GFRA2: variants seen among roughly 807,000 people sequenced by gnomAD.
GFRA2 encodes the protein GDNF family receptor alpha 2.
Under a neutral mutation model 48.3 loss-of-function variants are expected in GFRA2, and 17 were observed. The ratio of observed to expected loss-of-function variants is 0.35; its 90% CI spans 0.24 to 0.53. The LOEUF is 0.53. Among genes scored for constraint, GFRA2 ranks in the 20% least tolerant of loss-of-function variants. The pLI is 0.93. For missense variants in GFRA2, 660 were observed against 637.3 expected (o/e 1.04, Z -0.38); for synonymous variants, 305 against 257.2 (o/e 1.19, Z -1.78).
rs1802740066 is a variant in GFRA2 at position 21,706,259 on chromosome 8, G to T, written c.795-218C>A. 4.6e-6 allele frequency: 3 copies of T among 655,372 alleles called. No individual in the cohort carries two copies. The African/African-American group carries it at 5.4e-5, about 12-fold the overall frequency. The allele number at this position is 655,372 out of a possible 1,614,324, so 40.6% of individuals were successfully genotyped here. On this transcript the variant is annotated intron_variant, in intron 4 of 8. Transcript: ENST00000524240. ...GACTTCCCGGAGAGACAGGCACATAGTGCGGCTTAAGAAAAACCCAGTCAT... is the reference window on the plus strand; with the variant it reads ...GACTTCCCGGAGAGACAGGCACATATTGCGGCTTAAGAAAAACCCAGTCAT...
intron 3 of GFRA2, among the ~76,000 whole-genome samples, chr8:21,769,638 G>A (rs1269373083): frequency 6.6e-6 from 1 of 151,716 alleles, no homozygotes; most frequent in African/African-American, 2.4e-5. Context: ...ATCCTCGGGG[G>A]CCATGTATTA....
chr8:21,722,623 C>G (rs759614929), intron 4 of GFRA2, among the ~76,000 whole-genome samples: 1 of 152,152 alleles, frequency 6.6e-6, no homozygotes, highest in Non-Finnish European at 1.5e-5. Context: ...CCATGTGTCC[C>G]CACACGCAGA....
At chr8:21,749,222 A>G (rs956262964) in intron 4 of GFRA2, among the ~76,000 whole-genome samples, 2 of 121,644 alleles carry the variant, frequency 1.6e-5, no homozygotes, top group Non-Finnish European at 3.5e-5. Flanking sequence ...ATGCACCACC[A>G]CCCGCCCCTC....
chr8:21,718,440 T>C (rs772609290), intron 4 of GFRA2, among the ~76,000 whole-genome samples: 3 of 152,194 alleles, frequency 2.0e-5, no homozygotes, highest in African/African-American at 7.2e-5. Flanking sequence ...AACAGACTAA[T>C]AGACAGTCCT....
At chr8:21,775,387 A>G (rs1167494951) in intron 2 of GFRA2, among the ~76,000 whole-genome samples, 2 of 152,202 alleles carry the variant, frequency 1.3e-5, no homozygotes, top group Non-Finnish European at 2.9e-5. Context: ...GGGGAAGTGG[A>G]GCAATGCTGG....
chr8:21,728,968 G>A (rs1297144400), intron 4 of GFRA2, among the ~76,000 whole-genome samples: 1 of 152,180 alleles, frequency 6.6e-6, no homozygotes, highest in Non-Finnish European at 1.5e-5. Flanking sequence ...AGCAGAATCG[G>A]GCATTTAGGC....
At chr8:21,733,089 G>A (rs1334491998) in intron 4 of GFRA2, among the ~76,000 whole-genome samples, 6 of 152,186 alleles carry the variant, frequency 3.9e-5, no homozygotes, top group East Asian at 3.9e-4. Context: ...GCTGGCTGCC[G>A]GCTGCCAGGC....
At chr8:21,709,305 C>G (rs1342269467) in intron 4 of GFRA2, among the ~76,000 whole-genome samples, 1 of 152,252 alleles carries the variant, frequency 6.6e-6, no homozygotes, top group Non-Finnish European at 1.5e-5. Context: ...TCTAGCTACA[C>G]ACACATAGCC....
At chr8:21,800,941 A>G (rs1272347359) in intron 2 of GFRA2, among the ~76,000 whole-genome samples, 2 of 151,862 alleles carry the variant, frequency 1.3e-5, no homozygotes, top group African/African-American at 2.4e-5. Context: ...AAAAAAAAAA[A>G]AAGAAGTCCA....
chr8:21,751,888 G>T (rs1805311768), intron 3 of GFRA2, among the ~76,000 whole-genome samples: 1 of 152,142 alleles, frequency 6.6e-6, no homozygotes, highest in Non-Finnish European at 1.5e-5. Context: ...CTCTGGAAGA[G>T]CTCACAACTC....
chr8:21,756,592 C>A (rs572381983), intron 3 of GFRA2, among the ~76,000 whole-genome samples: 28 of 152,278 alleles, frequency 1.8e-4, no homozygotes, highest in African/African-American at 6.5e-4. Flanking sequence ...TGCCACCTAC[C>A]CTAAGGCTCC....
At chr8:21,701,316 C>T (rs183232344) in intron 7 of GFRA2, among the ~76,000 whole-genome samples, 1,705 of 152,322 alleles carry the variant, frequency 0.011, 33 homozygotes, top group African/African-American at 0.039. Context: ...ATGGCGTGAA[C>T]CCAGGAGGTG....
intron 7 of GFRA2, among the ~76,000 whole-genome samples, chr8:21,698,620 C>T (rs1802325028): frequency 1.3e-5 from 2 of 152,184 alleles, no homozygotes; most frequent in African/African-American, 4.8e-5. Flanking sequence ...TGACCTGCAC[C>T]ATCCCCAGTA....
chr8:21,716,966 C>T (rs577574764), intron 4 of GFRA2, among the ~76,000 whole-genome samples: 3 of 152,310 alleles, frequency 2.0e-5, no homozygotes, highest in African/African-American at 4.8e-5. Flanking sequence ...GCAGCCTGCT[C>T]GGTCTTGTCC....
At chr8:21,763,415 C>A (rs879714622) in intron 3 of GFRA2, among the ~76,000 whole-genome samples, 7 of 152,070 alleles carry the variant, frequency 4.6e-5, no homozygotes, top group Non-Finnish European at 8.8e-5. Context: ...ACCAACCCTG[C>A]CATTCCCCTC....
intron 4 of GFRA2, among the ~76,000 whole-genome samples, chr8:21,723,741 C>A (rs116940294): frequency 6.6e-6 from 1 of 152,204 alleles, no homozygotes; most frequent in East Asian, 1.9e-4. Flanking sequence ...AGACCACTCA[C>A]TCGTCCTCTT....
intron 4 of GFRA2, among the ~76,000 whole-genome samples, chr8:21,723,517 A>C (rs1803703234): frequency 6.6e-6 from 1 of 152,212 alleles, no homozygotes; most frequent in Admixed American, 6.5e-5. Context: ...ACAAAAAATA[A>C]AAGAGATTCC....
intron 1 of GFRA2, among the ~76,000 whole-genome samples, chr8:21,784,738 C>G (rs373880784): frequency 6.6e-6 from 1 of 152,196 alleles, no homozygotes; most frequent in South Asian, 2.1e-4. Context: ...TGCCACAGAA[C>G]AGGAAGGCTG....
rs1250896082 is a variant in GFRA2 at position 21,750,720 on chromosome 8, A to G, written c.662T>C (p.Phe221Ser). 1 of 1,613,930 alleles carries G rather than the reference A, an allele frequency of 6.2e-7. No homozygotes were observed. ...GCACGCCTGGTCTTGGCAGGAGCAG[A>G]AGAGCATGCGGTAGGTGTACTCGCT... ...VPSEYTYRML[F>S]CSCQDQACAE... Residue 221 changes from phenylalanine to serine, a missense_variant, in exon 4 of 9, where the codon TTC becomes TCC. Phe to Ser is a radical substitution (Grantham distance 155). Transcript: ENST00000524240. This position sits in a 1 kb window ranked among gnomAD's most constrained non-coding sequence, Gnocchi z 5.7.
Sources: allele counts gnomAD v4.1 joint callset (sites outside exome capture counted in the v4.1 genomes callset), GRCh38; gene constraint gnomAD v4.1.1; non-coding constraint Gnocchi (gnomAD v3.1); transcripts MANE v1.5; gene names NCBI Gene and HGNC (gene_info 2026-07-23, HGNC 2026-07-21).